The following FRMD6 variants were observed in gnomAD, a reference collection of about 807,000 sequenced individuals.
The protein encoded by FRMD6 is FERM domain-containing protein 6.
Under a neutral mutation model 73.2 loss-of-function variants are expected in FRMD6, and 37 were observed. That is an observed-to-expected ratio of 0.51 (90% confidence interval 0.39 to 0.66). The LOEUF (loss-of-function observed/expected upper bound fraction) is 0.66, where lower values mean the gene tolerates loss of function less well. Ranked by LOEUF, FRMD6 falls within the 30% of genes least tolerant of loss-of-function variation. FRMD6 has a pLI of 0.00. For synonymous variants in FRMD6, 273 were observed against 282.2 expected, an observed-to-expected ratio of 0.97 and a Z score of 0.33; for missense variants, 714 against 780.5, an observed-to-expected ratio of 0.91 and a Z score of 1.02.
chr14:51,475,069 T>C, the FRMD6 span, among the ~76,000 whole-genome samples: 1 of 152,206 alleles, frequency 6.6e-6, no homozygotes, highest in African/African-American at 2.4e-5. Context: ...TAGATGTACC[T>C]GCCAAGAGAG....
At chr14:51,667,857 CTCAT>C (rs1893714858) in intron 1 of FRMD6, among the ~76,000 whole-genome samples, 1 of 151,980 alleles carries the variant, frequency 6.6e-6, no homozygotes, top group Admixed American at 6.6e-5. Flanking sequence ...TTTCTGAACC[CTCAT>C]TCATTTTAAA....
chr14:51,666,599 T>C (rs1893611573), intron 1 of FRMD6, among the ~76,000 whole-genome samples: 1 of 152,220 alleles, frequency 6.6e-6, no homozygotes, highest in African/African-American at 2.4e-5. Context: ...CTTTCTCATA[T>C]ATATTCCATG....
chr14:51,405,023 G>A, the FRMD6 span, among the ~76,000 whole-genome samples: 11 of 152,172 alleles, frequency 7.2e-5, no homozygotes, highest in East Asian at 2.1e-3. Context: ...GAGAACATGC[G>A]GTATTCGGTT....
At chr14:51,534,305 G>T (rs762527868) in intron 1 of FRMD6, among the ~76,000 whole-genome samples, 2 of 152,302 alleles carry the variant, frequency 1.3e-5, no homozygotes, top group Non-Finnish European at 2.9e-5. Flanking sequence ...GAAAGATTTT[G>T]TCACTCTACC....
chr14:51,569,941 G>A (rs1448129107), intron 1 of FRMD6, among the ~76,000 whole-genome samples: 6 of 150,946 alleles, frequency 4.0e-5, no homozygotes, highest in African/African-American at 9.8e-5. Flanking sequence ...TCAGCCTCCC[G>A]AGTAGCTGGG....
rs1447562637 is a variant in FRMD6 at position 51,730,055 on chromosome 14, G to T, written c.*2026G>T. 3 of 152,250 alleles carry T rather than the reference G, an allele frequency of 2.0e-5. No individual in the cohort carries two copies. The highest frequency in any genetic ancestry group is 6.5e-5 in the Admixed American group (1 of 15,290). The allele number at this position is 152,250 out of a possible 1,614,324, so 9.4% of individuals were successfully genotyped here. A position where few individuals can be genotyped will look rare whatever the true frequency, so the allele number is the denominator to read the frequency against. ...ATGATGCTTAAGCCTGGTGAGGTTTGTACTCTAAGGAGCCCAGATCATAAT... is the reference window on the plus strand; with the variant it reads ...ATGATGCTTAAGCCTGGTGAGGTTTTTACTCTAAGGAGCCCAGATCATAAT... On this transcript the variant is annotated 3_prime_UTR_variant, in exon 14 of 14. Transcript: ENST00000344768.
chr14:51,516,914 C>T (rs1381442996), intron 1 of FRMD6, among the ~76,000 whole-genome samples: 1 of 152,128 alleles, frequency 6.6e-6, no homozygotes, highest in African/African-American at 2.4e-5. Flanking sequence ...TAATCTGATG[C>T]CAATCTTTGA....
chr14:51,696,306 A>G (rs1410693583), intron 2 of FRMD6, among the ~76,000 whole-genome samples: 1 of 151,574 alleles, frequency 6.6e-6, no homozygotes, highest in Non-Finnish European at 1.5e-5. Flanking sequence ...GAAGTCAACA[A>G]GATAGAATCA....
intron 1 of FRMD6, among the ~76,000 whole-genome samples, chr14:51,516,512 A>T (rs533321847): frequency 7.3e-6 from 1 of 137,518 alleles, no homozygotes; most frequent in East Asian, 1.9e-4. Flanking sequence ...GAGGGGGTAT[A>T]TGTGTGTGCA....
chr14:51,631,400 A>AT (rs888037884), intron 2 of FRMD6, among the ~76,000 whole-genome samples: 3 of 152,050 alleles, frequency 2.0e-5, no homozygotes, highest in South Asian at 2.1e-4. Context: ...CTCACACTCC[A>AT]TTTTTTTTGG....
chr14:51,522,964 T>C (rs1409508228), intron 1 of FRMD6: 1 of 152,176 alleles, frequency 6.6e-6, no homozygotes, highest in Admixed American at 6.5e-5. Context: ...TGCTTCACAT[T>C]TTACAAAAAT....
intron 1 of FRMD6, among the ~76,000 whole-genome samples, chr14:51,669,911 C>T (rs1893878214): frequency 2.0e-5 from 3 of 150,970 alleles, no homozygotes; most frequent in Admixed American, 2.0e-4. Flanking sequence ...AAGATCTTCC[C>T]CTGTAAGTTT....
intron 2 of FRMD6, among the ~76,000 whole-genome samples, chr14:51,621,876 C>G (rs11621032): frequency 0.23 from 35,263 of 152,122 alleles, 4,492 homozygotes; most frequent in East Asian, 0.3. Flanking sequence ...CTGGCCCCAG[C>G]TTGTGTGGTC....
chr14:51,664,150 C>A (rs1893413871), intron 1 of FRMD6, among the ~76,000 whole-genome samples: 1 of 152,222 alleles, frequency 6.6e-6, no homozygotes, highest in Non-Finnish European at 1.5e-5. Context: ...GGCCACACAG[C>A]ATAGTGCCCC....
chr14:51,481,645 G>A, the FRMD6 span, among the ~76,000 whole-genome samples: 4 of 152,162 alleles, frequency 2.6e-5, no homozygotes, highest in Non-Finnish European at 5.9e-5. Flanking sequence ...GGTTTCCTTC[G>A]ATCACCCAAG....
chr14:51,539,640 T>C (rs1304772685), intron 1 of FRMD6, among the ~76,000 whole-genome samples: 1 of 152,086 alleles, frequency 6.6e-6, no homozygotes, highest in Non-Finnish European at 1.5e-5. Context: ...CAGAATGGAA[T>C]GTGATTGTCT....
intron 10 of FRMD6, among the ~76,000 whole-genome samples, chr14:51,718,309 G>A (rs1594780402): frequency 6.6e-6 from 1 of 152,166 alleles, no homozygotes; most frequent in Admixed American, 6.5e-5. Context: ...CTTCTCGTGA[G>A]CATACTAGTG....
chr14:51,525,973 G>A (rs1244882556), intron 1 of FRMD6, among the ~76,000 whole-genome samples: 3 of 152,170 alleles, frequency 2.0e-5, no homozygotes, highest in African/African-American at 7.2e-5. Flanking sequence ...AGTCCTGGCA[G>A]GGCACAGGAG....
intron 2 of FRMD6, among the ~76,000 whole-genome samples, chr14:51,638,254 C>T (rs1891659046): frequency 6.6e-6 from 1 of 152,080 alleles, no homozygotes; most frequent in Admixed American, 6.6e-5. Flanking sequence ...TGTATTCCAG[C>T]CTGGATGACA....
Sources: allele counts gnomAD v4.1 joint callset (sites outside exome capture counted in the v4.1 genomes callset), GRCh38; gene constraint gnomAD v4.1.1; transcripts MANE v1.5; gene names NCBI Gene and HGNC (gene_info 2026-07-23, HGNC 2026-07-21).